UBE3D: variants seen among roughly 807,000 people sequenced by gnomAD.
The protein encoded by UBE3D is ubiquitin protein ligase E3D, also known as E3 ubiquitin-protein ligase E3D.
UBE3D carries 48 observed loss-of-function variants against 49.6 expected under a neutral mutation model. The observed-to-expected ratio is 0.97, with a 90% CI of 0.77 to 1.23. UBE3D has a LOEUF of 1.23. Among genes scored for constraint, UBE3D ranks in the 50% most tolerant of loss-of-function variants. The pLI is 0.00. For missense variants in UBE3D, 452 were observed against 468.4 expected (o/e 0.96, Z 0.32); for synonymous variants, 189 against 174.2 (o/e 1.08, Z -0.67).
chr6:82,989,979 T>C (rs959307937), intron 8 of UBE3D, among the ~76,000 whole-genome samples: 7 of 152,226 alleles, frequency 4.6e-5, no homozygotes, highest in Non-Finnish European at 1.0e-4. Flanking sequence ...CACATACATA[T>C]GCATAATTTT....
intron 6 of UBE3D, among the ~76,000 whole-genome samples, chr6:83,023,582 A>G (rs1781249869): frequency 6.6e-6 from 1 of 152,232 alleles, no homozygotes; most frequent in Non-Finnish European, 1.5e-5. Flanking sequence ...TGGCATTCAC[A>G]GCATCCTGGA....
chr6:82,882,118 C>G, the UBE3D span, among the ~76,000 whole-genome samples: 703 of 152,232 alleles, frequency 4.6e-3, 9 homozygotes, highest in African/African-American at 0.016. Flanking sequence ...ACTCTTGACT[C>G]TAGGAGCCAG....
chr6:83,026,917 A>G (rs1781499721), intron 5 of UBE3D, among the ~76,000 whole-genome samples: 1 of 152,084 alleles, frequency 6.6e-6, no homozygotes, highest in African/African-American at 2.4e-5. Flanking sequence ...GGATCCTCTC[A>G]TCTCCGCCTC....
At chr6:82,963,430 T>C (rs977640478) in intron 8 of UBE3D, among the ~76,000 whole-genome samples, 3 of 152,146 alleles carry the variant, frequency 2.0e-5, no homozygotes, top group African/African-American at 7.2e-5. Flanking sequence ...GATAGATATA[T>C]AGGGAAGTTT....
intron 5 of UBE3D, chr6:83,037,359 A>G (rs939304871): frequency 6.6e-6 from 1 of 152,176 alleles, no homozygotes; most frequent in Non-Finnish European, 1.5e-5. Context: ...CTTTGTAGAT[A>G]TATATCTTTT....
chr6:83,048,545 C>T (rs527953018), intron 3 of UBE3D, among the ~76,000 whole-genome samples: 2 of 152,156 alleles, frequency 1.3e-5, no homozygotes, highest in Non-Finnish European at 2.9e-5. Flanking sequence ...TAAAATTGCA[C>T]CAAGATTTAC....
chr6:83,004,199 G>A (rs572942210), intron 8 of UBE3D, among the ~76,000 whole-genome samples: 1 of 152,252 alleles, frequency 6.6e-6, no homozygotes, highest in East Asian at 1.9e-4. Context: ...ATATAGTATA[G>A]CAAACAATAC....
intron 9 of UBE3D, among the ~76,000 whole-genome samples, chr6:82,955,201 G>A (rs1776078125): frequency 1.3e-5 from 2 of 152,110 alleles, no homozygotes; most frequent in Admixed American, 6.5e-5. Flanking sequence ...GGTCTCACAG[G>A]GAAGAAATAT....
chr6:82,961,273 C>T (rs1238084541), intron 8 of UBE3D, among the ~76,000 whole-genome samples: 2 of 152,122 alleles, frequency 1.3e-5, no homozygotes. Context: ...AACATGGTCG[C>T]CTTTAATTTT....
At chr6:83,008,038 C>T (rs777148586) in intron 8 of UBE3D, among the ~76,000 whole-genome samples, 2 of 152,092 alleles carry the variant, frequency 1.3e-5, no homozygotes, top group African/African-American at 2.4e-5. Flanking sequence ...TCAAGAAAAT[C>T]GTGGGTTATA....
chr6:83,008,134 G>A (rs1465245909), intron 8 of UBE3D, among the ~76,000 whole-genome samples: 1 of 152,030 alleles, frequency 6.6e-6, no homozygotes, highest in African/African-American at 2.4e-5. Flanking sequence ...TGGCATTTGG[G>A]GTTGAAAAAT....
intron 3 of UBE3D, among the ~76,000 whole-genome samples, chr6:83,047,287 G>A (rs1783125809): frequency 6.6e-6 from 1 of 152,114 alleles, no homozygotes; most frequent in Non-Finnish European, 1.5e-5. Flanking sequence ...ATCCTTGGTT[G>A]GTAAACTGCA....
Position 82,945,492 on chromosome 6 carries a change from C to T in UBE3D, c.1149+11820G>A, listed in dbSNP as rs1775334233. 2.0e-5 allele frequency among the ~76,000 whole-genome samples: 3 copies of T among 152,172 alleles called. No individual in the cohort carries two copies. In the South Asian group the frequency reaches 6.2e-4, roughly 32 times the overall value. On this transcript the variant is annotated intron_variant, in intron 9 of 9. Coordinates refer to ENST00000369747, the MANE Select transcript of UBE3D (RefSeq NM_198920.3). ...CAGATATGACTTAGATCACAACACC[C>T]AAGTCCTTTTGAATGCCTGGAAAGC...
chr6:82,882,116 C>T, the UBE3D span, among the ~76,000 whole-genome samples: 1 of 152,162 alleles, frequency 6.6e-6, no homozygotes, highest in Non-Finnish European at 1.5e-5. Context: ...TTACTCTTGA[C>T]TCTAGGAGCC....
chr6:82,886,099 A>G, the UBE3D span, among the ~76,000 whole-genome samples: 1 of 152,118 alleles, frequency 6.6e-6, no homozygotes, highest in South Asian at 2.1e-4. Context: ...AGCAATCTCT[A>G]ATGACAGTAC....
chr6:82,988,464 G>T (rs1284436973), intron 8 of UBE3D, among the ~76,000 whole-genome samples: 2 of 148,396 alleles, frequency 1.3e-5, no homozygotes, highest in African/African-American at 2.5e-5. Flanking sequence ...CAAGACATGA[G>T]AAAAAAAAAA....
intron 5 of UBE3D, among the ~76,000 whole-genome samples, chr6:83,027,805 G>A (rs1476550084): frequency 6.6e-6 from 1 of 152,158 alleles, no homozygotes; most frequent in Non-Finnish European, 1.5e-5. Flanking sequence ...TCTATAGATT[G>A]CTATTCTTCA....
chr6:83,007,060 T>G (rs921554888), intron 8 of UBE3D, among the ~76,000 whole-genome samples: 1 of 152,208 alleles, frequency 6.6e-6, no homozygotes, highest in Non-Finnish European at 1.5e-5. Flanking sequence ...TGGTTACATT[T>G]GTTTTTATTT....
At chr6:82,963,549 A>G (rs72901646) in intron 8 of UBE3D, among the ~76,000 whole-genome samples, 4,131 of 152,318 alleles carry the variant, frequency 0.027, 78 homozygotes, top group Non-Finnish European at 0.043. Flanking sequence ...TTGGAGTTCA[A>G]TGTTCGAGAA....
Sources: allele counts gnomAD v4.1 joint callset (sites outside exome capture counted in the v4.1 genomes callset), GRCh38; gene constraint gnomAD v4.1.1; transcripts MANE v1.5; gene names NCBI Gene and HGNC (gene_info 2026-07-23, HGNC 2026-07-21).